ZIM2: variants seen among roughly 807,000 people sequenced by gnomAD.
ZIM2 encodes the protein zinc finger protein 656.
Under a neutral mutation model 38.6 loss-of-function variants are expected in ZIM2, and 14 were observed. The observed-to-expected ratio is 0.36, with a 90% CI of 0.24 to 0.57. The LOEUF is 0.57. Among genes scored for constraint, ZIM2 ranks in the 20% least tolerant of loss-of-function variants. The pLI, the probability that ZIM2 is intolerant of heterozygous loss-of-function variation, is 0.81. For synonymous variants in ZIM2, 247 were observed against 245.8 expected (o/e 1.00, Z -0.04); for missense variants, 680 against 695.1 (o/e 0.98, Z 0.24).
At chr19:56,815,109 G>A (rs267605718) in intron 9 of ZIM2, 10 of 1,613,756 alleles carry the variant, frequency 6.2e-6, no homozygotes, top group Admixed American at 1.7e-5. Flanking sequence ...CCAGGCCACA[G>A]TCCTCACATT....
chr19:56,817,707 G>T, intron 9 of ZIM2, 39 bp downstream of exon 9: 4 of 1,580,538 alleles, frequency 2.5e-6, no homozygotes, highest in Admixed American at 1.7e-5. Context: ...GCATCTCACT[G>T]GTTGTGTGGC....
chr19:56,813,337 A>G (rs1386092725), intron 9 of ZIM2: 1 of 1,024,916 alleles, frequency 9.8e-7, no homozygotes, highest in Admixed American at 4.8e-5. Context: ...CTCATGAAAC[A>G]CTATATATAC....
intron 9 of ZIM2, among the ~76,000 whole-genome samples, chr19:56,801,306 C>T (rs943501803): frequency 2.6e-5 from 4 of 152,018 alleles, no homozygotes; most frequent in Non-Finnish European, 5.9e-5. Context: ...AATCTTTGAC[C>T]TATAGCTCCC....
At chr19:56,823,974 T>C (rs527537241) in intron 4 of ZIM2, among the ~76,000 whole-genome samples, 1 of 152,262 alleles carries the variant, frequency 6.6e-6, no homozygotes, top group African/African-American at 2.4e-5. Flanking sequence ...GGAGGTTTTC[T>C]CCCTTCTACA....
At chr19:56,789,976 G>C in intron 9 of ZIM2, 25 bp from the exon 10 acceptor site, 1 of 1,509,490 alleles carries the variant, frequency 6.6e-7, no homozygotes, top group East Asian at 2.3e-5. Flanking sequence ...GGAATACCAT[G>C]GAATTGAGTC....
chr19:56,811,910 T>C (rs976809858), intron 9 of ZIM2: 16 of 985,224 alleles, frequency 1.6e-5, no homozygotes, highest in Non-Finnish European at 1.9e-5. Context: ...TGGTGATATA[T>C]TAGGACTCCC....
At position 56,816,415 on chromosome 19, in the gene ZIM2, T is replaced by C. The variant is rs780738755; in HGVS notation, c.490+1331A>G. 1.9e-6 allele frequency: 3 copies of C among 1,614,098 alleles called. No homozygotes were observed. In the Admixed American group the frequency reaches 5.0e-5, roughly 27 times the overall value. On this transcript the variant is annotated intron_variant, in intron 9 of 12. Coordinates refer to ENST00000629319, the MANE Select transcript of ZIM2 (RefSeq NM_001387356.1). Reference sequence around the variant, plus strand: ...GAGCTTCTCCTTATTGTAAGTTTTCTGACGCCTTTTAAGGGACTGACCAGG... The same window carrying C: ...GAGCTTCTCCTTATTGTAAGTTTTCCGACGCCTTTTAAGGGACTGACCAGG...
chr19:56,840,166 G>A (rs907845142), intron 1 of ZIM2, among the ~76,000 whole-genome samples: 7 of 152,208 alleles, frequency 4.6e-5, no homozygotes, highest in Admixed American at 1.3e-4. Context: ...CGTGGCAACA[G>A]GGATAGCATT....
chr19:56,820,715 G>A (rs1051460140), intron 7 of ZIM2, among the ~76,000 whole-genome samples: 1 of 152,134 alleles, frequency 6.6e-6, no homozygotes, highest in Non-Finnish European at 1.5e-5. Flanking sequence ...ATTTTTCCTT[G>A]AGGACACTGA....
intron 10 of ZIM2, among the ~76,000 whole-genome samples, chr19:56,786,379 C>G (rs2046605223): frequency 6.6e-6 from 1 of 152,034 alleles, no homozygotes; most frequent in African/African-American, 2.4e-5. Context: ...ACTTTTTTCC[C>G]TCAAACAGAG....
intron 3 of ZIM2, chr19:56,824,690 CAT>C (rs1568682692): frequency 6.4e-7 from 1 of 1,567,850 alleles, no homozygotes; most frequent in Non-Finnish European, 8.7e-7. Context: ...AGGAACCAAA[CAT>C]GAGTCAACAG....
intron 9 of ZIM2, chr19:56,810,467 A>G (rs1231601240): frequency 1.0e-6 from 1 of 984,824 alleles, no homozygotes; most frequent in South Asian, 4.7e-5. Flanking sequence ...TAATAATCAC[A>G]GACTAGTGCA....
Position 56,817,606 on chromosome 19 carries a change from C to T in ZIM2, c.490+140G>A, listed in dbSNP as rs778168866. ...TGGAAAGAAACCCCAAATGTAAATA[C>T]TCCCTAGTCCCCATAAGAAGGACAG... is the stretch of plus-strand genomic sequence containing the variant. On this transcript the variant is annotated intron_variant, in intron 9 of 12. Coordinates refer to ENST00000629319, the MANE Select transcript of ZIM2 (RefSeq NM_001387356.1). 18 of 1,554,826 alleles carry T rather than the reference C, an allele frequency of 1.2e-5. 1 individual carries two copies. Among genetic ancestry groups the T allele is most frequent in the East Asian group, 6.8e-5 (3 of 44,416 alleles).
At chr19:56,840,308 T>A (rs960358880) in intron 1 of ZIM2, among the ~76,000 whole-genome samples, 2 of 152,148 alleles carry the variant, frequency 1.3e-5, no homozygotes, top group African/African-American at 4.8e-5. Flanking sequence ...GACCCCGGAC[T>A]GCAAGATGGC....
intron 9 of ZIM2, chr19:56,813,988 A>G: frequency 6.2e-7 from 1 of 1,614,000 alleles, no homozygotes. Context: ...TTCAATTCCC[A>G]CACCGTCAGG....
At chr19:56,823,385 G>A (rs2060691260) in intron 5 of ZIM2, among the ~76,000 whole-genome samples, 2 of 152,108 alleles carry the variant, frequency 1.3e-5, no homozygotes, top group South Asian at 2.1e-4. Flanking sequence ...TGAATAAAAC[G>A]GTATTAAGTA....
chr19:56,810,681 TTTTAG>T, intron 9 of ZIM2: 2 of 972,652 alleles, frequency 2.1e-6, no homozygotes, highest in Non-Finnish European at 2.4e-6. Flanking sequence ...GACAACACTA[TTTTAG>T]TTATTTTCCA....
chr19:56,817,550 A>AT, intron 9 of ZIM2, 196 bp downstream of exon 9: 1 of 1,595,964 alleles, frequency 6.3e-7, no homozygotes, highest in Non-Finnish European at 8.5e-7. Context: ...CGGTGGGTTG[A>AT]TTTTTTGGCT....
At chr19:56,782,706 TTC>T (rs2046386861) in intron 10 of ZIM2, among the ~76,000 whole-genome samples, 1 of 152,052 alleles carries the variant, frequency 6.6e-6, no homozygotes, top group Admixed American at 6.6e-5. Context: ...GATCCAGAAA[TTC>T]TTTTTTTAAT....
Sources: gnomAD v4.1 joint callset for allele counts (sites outside exome capture counted in the v4.1 genomes callset) on GRCh38, gnomAD v4.1.1 for gene constraint, MANE v1.5 for transcripts, NCBI Gene and HGNC (gene_info 2026-07-23, HGNC 2026-07-21) for gene names.